Variants in FCRL6 observed in about 807,000 individuals in gnomAD.
The protein encoded by FCRL6 is Fc receptor-like protein 6.
FCRL6 carries 50 observed loss-of-function variants against 49.1 expected under a neutral mutation model. That is an observed-to-expected ratio of 1.02 (90% confidence interval 0.81 to 1.29). The LOEUF (loss-of-function observed/expected upper bound fraction) is 1.29, where lower values mean the gene tolerates loss of function less well. Among genes scored for constraint, FCRL6 ranks in the 50% most tolerant of loss-of-function variants. The pLI is 0.00. For missense variants in FCRL6, 571 were observed against 518.5 expected (o/e 1.10, Z -0.98); for synonymous variants, 213 against 199.6 (o/e 1.07, Z -0.57).
At chr1:159,801,638 T>C (rs1364929747), upstream of FCRL6, among the ~76,000 whole-genome samples, 1 of 152,236 alleles carries the variant, frequency 6.6e-6, no homozygotes, top group Non-Finnish European at 1.5e-5. Context: ...CCCATTTTTC[T>C]AGTATGTTGT....
At position 159,809,754 on chromosome 1, in the gene FCRL6, A is replaced by G. The variant is rs1354755923; in HGVS notation, c.886+71A>G. The G allele has an allele frequency of 4.5e-6, 6 of 1,340,648 alleles. No individual in the cohort carries two copies. In the Admixed American group the frequency reaches 1.0e-4, roughly 23 times the overall value. The allele number at this position is 1,340,648 out of a possible 1,614,324, so 83.0% of individuals were successfully genotyped here. On this transcript the variant is annotated intron_variant, in intron 5 of 9. Transcript: ENST00000368106. ...AGGGGTCAGATCTCACCCTCTGTGT[A>G]CCTCCCATCACGACTGGCACAGTGC...
Position 159,808,447 on chromosome 1 carries a change from G to C in FCRL6, c.319+3G>C. The C allele has an allele frequency of 6.2e-7, 1 of 1,614,178 alleles. No individual in the cohort carries two copies. The highest frequency in any genetic ancestry group is 8.5e-7 in the Non-Finnish European group (1 of 1,180,018). On this transcript the variant is annotated splice_donor_region_variant and intron_variant, in intron 3 of 9. Transcript: ENST00000368106. Reference sequence around the variant, plus strand: ...GACTGCCATGGTTCAAGTCCAAGGTGAGTCACCAGCTTGGGAGTTTGTGGG... The same window carrying C: ...GACTGCCATGGTTCAAGTCCAAGGTCAGTCACCAGCTTGGGAGTTTGTGGG...
intron 1 of FCRL6, among the ~76,000 whole-genome samples, chr1:159,803,263 C>T (rs888478136): frequency 2.0e-5 from 3 of 152,218 alleles, no homozygotes; most frequent in African/African-American, 7.2e-5. Flanking sequence ...TGTCACCCCC[C>T]TTATACCTAA....
chr1:159,809,190 C>A lies in FCRL6; in HGVS notation c.549C>A (p.Ala183=), dbSNP rs1292644139. 6 of 1,603,196 alleles carry A rather than the reference C, an allele frequency of 3.7e-6. No individual in the cohort carries two copies. In the Admixed American group the frequency reaches 6.9e-5, roughly 18 times the overall value. ...CTGGGCTTTACTGGTGTGAGGTGGC[C>A]CCTGAGGGTGGCCAGGTCCAGAAGC... The part of the protein sequence containing the change: ...GDSGLYWCEV[A]PEGGQVQKQS... The change falls in exon 4 of 10, where the codon GCC becomes GCA. Residue 183 remains alanine (A), a synonymous_variant. Transcript: ENST00000368106.
At position 159,809,265 on chromosome 1, in the gene FCRL6, G is replaced by C; in HGVS notation, c.604+20G>C. ...TGCAGGGTAAGTGCGCGAGAGAGTGGAGATGCCCCCAGGGCCCTGGGCGTC... is the reference window on the plus strand; with the variant it reads ...TGCAGGGTAAGTGCGCGAGAGAGTGCAGATGCCCCCAGGGCCCTGGGCGTC... On this transcript the variant is annotated intron_variant, in intron 4 of 9. Coordinates refer to ENST00000368106, the MANE Select transcript of FCRL6 (RefSeq NM_001004310.3). The C allele has an allele frequency of 6.5e-7, 1 of 1,534,872 alleles. No homozygotes were observed. Among genetic ancestry groups the C allele is most frequent in the Non-Finnish European group, 8.7e-7 (1 of 1,143,866 alleles).
intron 2 of FCRL6, among the ~76,000 whole-genome samples, chr1:159,806,930 C>T (rs1201627438): frequency 6.6e-6 from 1 of 152,208 alleles, no homozygotes; most frequent in Non-Finnish European, 1.5e-5. Flanking sequence ...ATATTCTCAA[C>T]TCAACAAGAC....
chr1:159,804,438 G>C (rs1662546422), intron 1 of FCRL6, among the ~76,000 whole-genome samples: 1 of 152,234 alleles, frequency 6.6e-6, no homozygotes, highest in South Asian at 2.1e-4. Context: ...TGCTCCTAGA[G>C]TTGGCAGGGG....
intron 8 of FCRL6, 51 bp downstream of exon 8, chr1:159,814,343 C>T (rs749975055): frequency 7.0e-7 from 1 of 1,421,882 alleles, no homozygotes; most frequent in Non-Finnish European, 9.9e-7. Flanking sequence ...AAGTTTTGGA[C>T]CTACAATGAG....
Position 159,806,624 on chromosome 1 carries a change from G to A in FCRL6, c.52+8G>A, listed in dbSNP as rs1035019416. On this transcript the variant is annotated splice_region_variant and intron_variant, in intron 2 of 9. Transcript: ENST00000368106. Reference sequence around the variant, plus strand: ...CCTGTGTTGGGAAAACTGGTAAGTTGTGTCCATGTCTCTTCTAATTCAAAG... The same window carrying A: ...CCTGTGTTGGGAAAACTGGTAAGTTATGTCCATGTCTCTTCTAATTCAAAG... 1 of 1,613,552 alleles carries A rather than the reference G, an allele frequency of 6.2e-7. No homozygotes were observed. Among genetic ancestry groups the A allele is most frequent in the African/African-American group, 1.3e-5 (1 of 74,942 alleles).
At chr1:159,804,129 G>A (rs936103588) in intron 1 of FCRL6, among the ~76,000 whole-genome samples, 2 of 152,144 alleles carry the variant, frequency 1.3e-5, no homozygotes, top group African/African-American at 4.8e-5. Context: ...TTCTCACACA[G>A]CGTCCATAGG....
Position 159,809,084 on chromosome 1 carries a change from C to T in FCRL6, c.443C>T (p.Ser148Phe). The T allele has an allele frequency of 4.3e-6, 7 of 1,614,098 alleles. No individual in the cohort carries two copies. The highest frequency in any genetic ancestry group is 1.7e-5 in the Admixed American group (1 of 60,014). Residue 148 changes from serine to phenylalanine, a missense_variant, in exon 4 of 10, where the codon TCC becomes TTC. Physicochemically the swap from Ser to Phe is radical, Grantham distance 155 (BLOSUM62 -2). Coordinates refer to ENST00000368106, the MANE Select transcript of FCRL6 (RefSeq NM_001004310.3). ...PLRSALRLLFSFHKDGHTLQD... is the reference protein window; with the variant it reads ...PLRSALRLLFFFHKDGHTLQD... ...AGGTCAGCCTTGAGGCTCCTTTTCT[C>T]CTTCCACAAGGACGGCCACACCTTG...
At position 159,812,607 on chromosome 1, in the gene FCRL6, GA is replaced by G. The variant is rs1663152888; in HGVS notation, c.1010-879del. Among the ~76,000 whole-genome samples, 3 of 152,226 alleles carry G rather than the reference GA, an allele frequency of 2.0e-5. No individual in the cohort carries two copies. In the South Asian group the frequency reaches 6.2e-4, roughly 32 times the overall value. ...GAACTCTTCATTGAATGGAGACTTA[GA>G]AACTGAGGCTCATTTCTCAGCCCTG... On this transcript the variant is annotated intron_variant, in intron 6 of 9. Transcript: ENST00000368106.
At chr1:159,813,287 C>G (rs1482381313) in intron 6 of FCRL6, among the ~76,000 whole-genome samples, 5 of 152,152 alleles carry the variant, frequency 3.3e-5, no homozygotes, top group African/African-American at 1.2e-4. Context: ...GTTTGTGATT[C>G]CCATGGAGCC....
chr1:159,800,998 A>G (rs543936428), upstream of FCRL6, among the ~76,000 whole-genome samples: 1 of 152,232 alleles, frequency 6.6e-6, no homozygotes, highest in African/African-American at 2.4e-5. Flanking sequence ...AGCCTGGGCA[A>G]CAGAGCAAGA....
chr1:159,815,390 G>T (rs200324717), intron 8 of FCRL6, 38 bp from the exon 9 acceptor site: 2 of 1,603,020 alleles, frequency 1.2e-6, no homozygotes, highest in Admixed American at 1.7e-5. Context: ...TTGCTGTGGA[G>T]CACAGAGACC....
At chr1:159,809,287 C>A (rs200426813) in intron 4 of FCRL6, 42 bp downstream of exon 4, 54 of 1,524,790 alleles carry the variant, frequency 3.5e-5, no homozygotes, top group Non-Finnish European at 4.5e-5. Context: ...GGGCCCTGGG[C>A]GTCAGGCAGT....
Position 159,809,624 on chromosome 1 carries a change from G to A in FCRL6, c.827G>A (p.Cys276Tyr). The stretch of plus-strand genomic sequence containing the variant: ...GAACAGGATGCTGGGAACTACTCCT[G>A]CGAGGCTGAGAACAGTGTCTCCAGA... Reference protein sequence around the residue: ...KSEQDAGNYSCEAENSVSRER... With the variant: ...KSEQDAGNYSYEAENSVSRER... Residue 276 changes from cysteine (C) to tyrosine (Y), a missense_variant, in exon 5 of 10, where the codon TGC becomes TAC. Cys to Tyr is a radical substitution (Grantham distance 194). Transcript: ENST00000368106. The A allele has an allele frequency of 1.2e-6, 2 of 1,614,184 alleles. No individual in the cohort carries two copies. The highest frequency in any genetic ancestry group is 2.2e-5 in the South Asian group (2 of 91,084).
In FCRL6 at chr1:159,813,550, C is replaced by T; in HGVS notation, c.1071C>T (p.Ala357=). The stretch of plus-strand genomic sequence containing the variant: ...GTGGAGAGCAGTGCCCACTATATGC[C>T]AACGGTAAGGACTTCCAGCAGGATG... The part of the protein sequence containing the change: ...APGGEQCPLY[A]NVHHQKGKDE... Residue 357 remains alanine, a synonymous_variant, in exon 7 of 10, where the codon GCC becomes GCT. Coordinates refer to ENST00000368106, the MANE Select transcript of FCRL6 (RefSeq NM_001004310.3). 1 of 1,613,942 alleles carries T rather than the reference C, an allele frequency of 6.2e-7. No homozygotes were observed. Among genetic ancestry groups the T allele is most frequent in the Non-Finnish European group, 8.5e-7 (1 of 1,179,800 alleles).
At chr1:159,812,249 C>A (rs758099590) in intron 6 of FCRL6, among the ~76,000 whole-genome samples, 13 of 152,160 alleles carry the variant, frequency 8.5e-5, no homozygotes, top group Non-Finnish European at 1.6e-4. Flanking sequence ...AGGACCAATT[C>A]CTTAGCTACG....
Sources: gnomAD v4.1 joint callset for allele counts (sites outside exome capture counted in the v4.1 genomes callset) on GRCh38, gnomAD v4.1.1 for gene constraint, MANE v1.5 for transcripts, NCBI Gene and HGNC (gene_info 2026-07-23, HGNC 2026-07-21) for gene names.